TSHR: variants seen among roughly 807,000 people sequenced by gnomAD.
TSHR encodes thyrotropin receptor.
Under a neutral mutation model 64.1 loss-of-function variants are expected in TSHR, and 51 were observed. That is an observed-to-expected ratio of 0.80 (90% CI 0.64 to 1.01). The LOEUF (loss-of-function observed/expected upper bound fraction) is 1.01. Among genes scored for constraint, TSHR ranks in the 50% least tolerant of loss-of-function variants. The pLI is 0.00. For missense variants in TSHR, 877 were observed against 942.8 expected, an observed-to-expected ratio of 0.93 and a Z score of 0.91; for synonymous variants, 361 against 361.9, an observed-to-expected ratio of 1.00 and a Z score of 0.03.
chr14:81,041,001 A>T (rs1208097652), intron 1 of TSHR, among the ~76,000 whole-genome samples: 1 of 152,188 alleles, frequency 6.6e-6, no homozygotes, highest in Non-Finnish European at 1.5e-5. Flanking sequence ...ATTATTAAAA[A>T]GTAAAAAAAT....
chr14:81,034,548 G>T (rs1054668346), intron 1 of TSHR, among the ~76,000 whole-genome samples: 1 of 152,300 alleles, frequency 6.6e-6, no homozygotes, highest in East Asian at 1.9e-4. Flanking sequence ...CAGAAAAAGG[G>T]TCTGTTTTCT....
At chr14:81,142,606 C>CTTTTTTTT (rs10711545) in intron 9 of TSHR, among the ~76,000 whole-genome samples, 9 of 97,248 alleles carry the variant, frequency 9.3e-5, no homozygotes, top group Non-Finnish European at 1.2e-4. Context: ...AACAAGCATT[C>CTTTTTTTT]TTTTTTTTTT....
chr14:81,005,197 T>TTGTGTGTG (rs71103894), intron 1 of TSHR, among the ~76,000 whole-genome samples: 148 of 149,900 alleles, frequency 9.9e-4, no homozygotes, highest in Middle Eastern at 3.5e-3. Flanking sequence ...ACTCAAGCCT[T>TTGTGTGTG]TGTGTGTGTG....
intron 1 of TSHR, among the ~76,000 whole-genome samples, chr14:80,962,644 C>T (rs1002909683): frequency 6.6e-6 from 1 of 152,150 alleles, no homozygotes; most frequent in Non-Finnish European, 1.5e-5. Context: ...TAATGAAGAA[C>T]CTGGTAAGAT....
intron 8 of TSHR, among the ~76,000 whole-genome samples, chr14:81,117,618 C>T (rs1194115223): frequency 7.3e-6 from 1 of 137,468 alleles, no homozygotes; most frequent in African/African-American, 3.0e-5. Flanking sequence ...TGGTACCATT[C>T]CTTCTGAAAC....
chr14:81,010,972 C>T (rs1024255156), intron 1 of TSHR, among the ~76,000 whole-genome samples: 29 of 152,296 alleles, frequency 1.9e-4, no homozygotes, highest in African/African-American at 5.8e-4. Flanking sequence ...CTAATTCCAT[C>T]ATGTTCTCAT....
intron 3 of TSHR, among the ~76,000 whole-genome samples, chr14:81,085,731 C>T (rs1004681325): frequency 6.6e-6 from 1 of 152,182 alleles, no homozygotes; most frequent in Non-Finnish European, 1.5e-5. Flanking sequence ...ATTTTCCAGA[C>T]TGCAAACCCT....
At chr14:80,956,534 A>C (rs1886699305) in intron 1 of TSHR, among the ~76,000 whole-genome samples, 1 of 152,244 alleles carries the variant, frequency 6.6e-6, no homozygotes, top group South Asian at 2.1e-4. Context: ...GATTATACAC[A>C]CACAACCTGT....
intron 1 of TSHR, chr14:80,982,027 G>A: frequency 2.4e-6 from 1 of 409,860 alleles, no homozygotes; most frequent in Non-Finnish European, 4.7e-6. Flanking sequence ...CCAGGCCAAA[G>A]CGGAAAAGAG....
intron 8 of TSHR, among the ~76,000 whole-genome samples, chr14:81,112,873 T>C (rs760232031): frequency 2.6e-5 from 4 of 152,190 alleles, no homozygotes; most frequent in Admixed American, 6.5e-5. Context: ...AAGGAGGCCA[T>C]TGCCGCTCAA....
intron 1 of TSHR, among the ~76,000 whole-genome samples, chr14:80,981,327 G>GT (rs1888155190): frequency 6.6e-6 from 1 of 152,070 alleles, no homozygotes; most frequent in Non-Finnish European, 1.5e-5. Flanking sequence ...TCTCAAGAAG[G>GT]TTTTTTTAAA....
At chr14:81,081,005 G>T (rs982147223) in intron 3 of TSHR, among the ~76,000 whole-genome samples, 1 of 152,162 alleles carries the variant, frequency 6.6e-6, no homozygotes, top group Non-Finnish European at 1.5e-5. Flanking sequence ...GCTTAGCTAA[G>T]AGAATGGTCA....
chr14:81,102,863 A>T, intron 7 of TSHR: 1 of 985,310 alleles, frequency 1.0e-6, no homozygotes, highest in Non-Finnish European at 1.2e-6. Flanking sequence ...GGATCAAGAT[A>T]AAAAGTATCT....
At chr14:81,045,470 G>C (rs1019651402) in intron 1 of TSHR, among the ~76,000 whole-genome samples, 4 of 152,126 alleles carry the variant, frequency 2.6e-5, no homozygotes, top group Non-Finnish European at 4.4e-5. Flanking sequence ...TGCCATGGTG[G>C]TTTGCTGCAC....
At chr14:81,017,648 C>T (rs1883488410) in intron 1 of TSHR, among the ~76,000 whole-genome samples, 1 of 151,970 alleles carries the variant, frequency 6.6e-6, no homozygotes, top group Non-Finnish European at 1.5e-5. Context: ...AAACAAATAG[C>T]CTAGGCAATT....
intron 1 of TSHR, among the ~76,000 whole-genome samples, chr14:81,061,640 G>C (rs1230394220): frequency 6.6e-6 from 1 of 152,028 alleles, no homozygotes; most frequent in Non-Finnish European, 1.5e-5. Flanking sequence ...CCTGCTTGAA[G>C]GCAGAGGGTG....
chr14:81,115,890 A>G (rs1163628978), intron 8 of TSHR, among the ~76,000 whole-genome samples: 2 of 150,160 alleles, frequency 1.3e-5, no homozygotes, highest in Non-Finnish European at 3.0e-5. Flanking sequence ...ATTCTTCAAG[A>G]AAAGAATTTT....
chr14:81,092,912 T>A (rs915571058), intron 6 of TSHR, among the ~76,000 whole-genome samples: 7 of 152,166 alleles, frequency 4.6e-5, no homozygotes, highest in Admixed American at 1.3e-4. Context: ...TCTGGCATTG[T>A]GTGGCAAAAA....
At chr14:81,113,996 T>A (rs573530582) in intron 8 of TSHR, among the ~76,000 whole-genome samples, 1 of 152,288 alleles carries the variant, frequency 6.6e-6, no homozygotes, top group South Asian at 2.1e-4. Context: ...AACAGGATTA[T>A]ATGAAAATTT....
Sources: allele counts gnomAD v4.1 joint callset (sites outside exome capture counted in the v4.1 genomes callset), GRCh38; gene constraint gnomAD v4.1.1; transcripts MANE v1.5; gene names NCBI Gene and HGNC (gene_info 2026-07-23, HGNC 2026-07-21).